RHOU: variants seen among roughly 807,000 people sequenced by gnomAD.
RHOU encodes rho-related GTP-binding protein RhoU.
A neutral mutation model predicts 12.6 loss-of-function variants in RHOU; 8 were observed. The ratio of observed to expected loss-of-function variants is 0.64; its 90% CI spans 0.37 to 1.15. The LOEUF (loss-of-function observed/expected upper bound fraction) is 1.15. RHOU is among the 50% of genes most tolerant of loss of function. RHOU has a pLI of 0.01. For synonymous variants in RHOU, 161 were observed against 147.4 expected (o/e 1.09, Z -0.67); for missense variants, 258 against 347.0 (o/e 0.74, Z 2.04).
At chr1:228,672,282 C>T in the RHOU span, among the ~76,000 whole-genome samples, 1 of 152,160 alleles carries the variant, frequency 6.6e-6, no homozygotes, top group African/African-American at 2.4e-5. Flanking sequence ...ATTCTCCCAC[C>T]TCTGGAGTAG....
At chr1:228,687,773 G>T in the RHOU span, 16 of 1,368,202 alleles carry the variant, frequency 1.2e-5, no homozygotes, top group African/African-American at 2.8e-5. Context: ...AATCTGGCTC[G>T]GCGGAATACC....
upstream of RHOU, among the ~76,000 whole-genome samples, chr1:228,731,286 AAC>A (rs1448572776): frequency 6.6e-6 from 1 of 152,192 alleles, no homozygotes; most frequent in Non-Finnish European, 1.5e-5. Flanking sequence ...ACTTGGATGA[AAC>A]ACCAATTTGT....
In RHOU at chr1:228,746,147, A is replaced by G. The variant is rs1355814745; in HGVS notation, c.*2407A>G. 1 of 152,248 alleles carries G rather than the reference A, an allele frequency of 6.6e-6. No individual in the cohort carries two copies. The highest frequency in any genetic ancestry group is 1.5e-5 in the Non-Finnish European group (1 of 68,042). The allele number at this position is 152,248 out of a possible 1,614,324, so 9.4% of individuals were successfully genotyped here. A position where few individuals can be genotyped will look rare whatever the true frequency, so the allele number is the denominator to read the frequency against. ...TAAAATATATTGCTGCATTTTATAGAATAGTAAAGGTACGATTATACTTGA... is the reference window on the plus strand; with the variant it reads ...TAAAATATATTGCTGCATTTTATAGGATAGTAAAGGTACGATTATACTTGA... On this transcript the variant is annotated 3_prime_UTR_variant, in exon 3 of 3. Transcript: ENST00000366691.
chr1:228,647,344 G>T, the RHOU span, among the ~76,000 whole-genome samples: 5 of 152,364 alleles, frequency 3.3e-5, no homozygotes, highest in East Asian at 5.8e-4. Context: ...GAGTGCGCCC[G>T]CCCTTTTGGC....
chr1:228,659,992 A>C, the RHOU span, among the ~76,000 whole-genome samples: 1 of 151,490 alleles, frequency 6.6e-6, no homozygotes, highest in African/African-American at 2.4e-5. Context: ...CAAGAAAGAA[A>C]GAAAAAGAAA....
chr1:228,734,465 A>C (rs73092845), upstream of RHOU, among the ~76,000 whole-genome samples: 229 of 152,296 alleles, frequency 1.5e-3, 1 homozygote, highest in African/African-American at 5.4e-3. Flanking sequence ...TAGCTTGTGG[A>C]ATCCCAAAAC....
Position 228,737,862 on chromosome 1 carries a change from T to C in RHOU, c.321+131T>C. 2 of 963,332 alleles carry C rather than the reference T, an allele frequency of 2.1e-6. No individual in the cohort carries two copies. Among genetic ancestry groups the C allele is most frequent in the East Asian group, 5.2e-5 (2 of 38,326 alleles). The allele number at this position is 963,332 out of a possible 1,614,324, so 59.7% of individuals were successfully genotyped here. A position where few individuals can be genotyped will look rare whatever the true frequency, so the allele number is the denominator to read the frequency against. ...CATGAAGTGGACCCACCCCTGCTGT[T>C]GGCCCTTCTCTGAGGGTGGGCAGGG... On this transcript the variant is annotated intron_variant, in intron 2 of 2. Transcript: ENST00000366691. The surrounding 1 kb of genome is among the most constrained non-coding windows in gnomAD (Gnocchi z 4.1).
the RHOU span, among the ~76,000 whole-genome samples, chr1:228,706,099 A>G: frequency 6.6e-6 from 1 of 152,084 alleles, no homozygotes; most frequent in African/African-American, 2.4e-5. Flanking sequence ...TCAAAACACA[A>G]ATTTCTGGAA....
At chr1:228,687,437 A>G in the RHOU span, 1 of 1,441,988 alleles carries the variant, frequency 6.9e-7, no homozygotes, top group Non-Finnish European at 9.6e-7. Flanking sequence ...ACTTTGCCAA[A>G]TACTTTCTTC....
chr1:228,738,748 C>T lies in RHOU; in HGVS notation c.321+1017C>T, dbSNP rs1230338375. Among the ~76,000 whole-genome samples, 1 of 152,090 alleles carries T rather than the reference C, an allele frequency of 6.6e-6. No homozygotes were observed. Among genetic ancestry groups the T allele is most frequent in the African/African-American group, 2.4e-5 (1 of 41,396 alleles). On this transcript the variant is annotated intron_variant, in intron 2 of 2. Transcript: ENST00000366691. This position sits in a 1 kb window ranked among gnomAD's most constrained non-coding sequence, Gnocchi z 4.2. ...CATAAGACCGTGGAGCCTTGATCTC[C>T]AAGGAACACCGGGCTGGTGCAGGCC...
At position 228,737,702 on chromosome 1, in the gene RHOU, A is replaced by G; in HGVS notation, c.292A>G (p.Arg98Gly). The stretch of plus-strand genomic sequence containing the variant: ...GGTGTCTGTGGATGGGCGGCCCGTG[A>G]GACTCCAACTCTGTGACACTGCCGG... The part of the protein sequence containing the change: ...AVVSVDGRPV[R>G]LQLCDTAGQD... The change falls in exon 2 of 3, where the codon AGA (arginine) becomes GGA (glycine). Residue 98 changes from arginine to glycine, a missense_variant. Physicochemically the swap from Arg to Gly is moderately radical, Grantham distance 125. Transcript: ENST00000366691. This position sits in a 1 kb window ranked among gnomAD's most constrained non-coding sequence, Gnocchi z 4.1. The G allele has an allele frequency of 6.2e-7, 1 of 1,614,208 alleles. No individual in the cohort carries two copies. The highest frequency in any genetic ancestry group is 8.5e-7 in the Non-Finnish European group (1 of 1,180,038).
At chr1:228,716,148 G>T in the RHOU span, among the ~76,000 whole-genome samples, 1 of 151,994 alleles carries the variant, frequency 6.6e-6, no homozygotes, top group Non-Finnish European at 1.5e-5. Context: ...GAACTCCTAG[G>T]CTCAAGCGAT....
chr1:228,656,792 TA>T, the RHOU span, among the ~76,000 whole-genome samples: 7 of 151,924 alleles, frequency 4.6e-5, no homozygotes, highest in African/African-American at 7.2e-5. Context: ...ATAATGCATA[TA>T]AAAAAAGGTA....
chr1:228,702,064 AT>A, the RHOU span, among the ~76,000 whole-genome samples: 1 of 152,128 alleles, frequency 6.6e-6, no homozygotes, highest in Non-Finnish European at 1.5e-5. Flanking sequence ...TAGCTTTTTT[AT>A]ATCACAGAAA....
the RHOU span, among the ~76,000 whole-genome samples, chr1:228,701,550 GAATT>G: frequency 1.3e-5 from 2 of 151,898 alleles, no homozygotes; most frequent in African/African-American, 2.4e-5. Flanking sequence ...TTGTATTAAT[GAATT>G]ATCAATATTA....
chr1:228,675,954 A>G, the RHOU span, among the ~76,000 whole-genome samples: 85 of 152,270 alleles, frequency 5.6e-4, no homozygotes, highest in African/African-American at 2.0e-3. Context: ...AAAAGGAAAA[A>G]TTAGGAGAAG....
At chr1:228,678,644 TG>T in the RHOU span, among the ~76,000 whole-genome samples, 1 of 152,144 alleles carries the variant, frequency 6.6e-6, no homozygotes, top group African/African-American at 2.4e-5. Context: ...GTGTAGGATA[TG>T]GAAGGCATAT....
chr1:228,647,401 G>A, the RHOU span, among the ~76,000 whole-genome samples: 4 of 152,182 alleles, frequency 2.6e-5, no homozygotes, highest in African/African-American at 4.8e-5. Context: ...TCTCTGGCGT[G>A]TCCTCGGTAC....
intron 2 of RHOU, among the ~76,000 whole-genome samples, chr1:228,742,632 A>C (rs4391637): frequency 0.38 from 57,398 of 151,796 alleles, 12,087 homozygotes; most frequent in African/African-American, 0.59. Flanking sequence ...CTGAGCTGCA[A>C]AAGTTTTCTG....
Sources: gnomAD v4.1 joint callset for allele counts (sites outside exome capture counted in the v4.1 genomes callset) on GRCh38, gnomAD v4.1.1 for gene constraint, Gnocchi (gnomAD v3.1) non-coding constraint, MANE v1.5 for transcripts, NCBI Gene and HGNC (gene_info 2026-07-23, HGNC 2026-07-21) for gene names.